BTD: variants seen among roughly 807,000 people sequenced by gnomAD.
The protein encoded by BTD is biotinidase, also known as biocytinase.
BTD carries 13 observed loss-of-function variants against 17.7 expected under a neutral mutation model. The ratio of observed to expected loss-of-function variants is 0.74; its 90% CI spans 0.48 to 1.17. The LOEUF (loss-of-function observed/expected upper bound fraction) is 1.17. Ranked by LOEUF, BTD falls within the 50% of genes most tolerant of loss-of-function variation. The pLI is 0.00. For missense variants in BTD, 674 were observed against 650.4 expected (o/e 1.04, Z -0.39); for synonymous variants, 240 against 245.2 (o/e 0.98, Z 0.20).
chr3:15,694,592 T>A, intron 3 of BTD: 1 of 503,662 alleles, frequency 2.0e-6, no homozygotes, highest in Non-Finnish European at 3.3e-6. Flanking sequence ...ATTCTCTGAA[T>A]TAAAGAAAGT....
downstream of BTD, chr3:15,714,532 G>GAAAAAAA (rs5846873): frequency 2.0e-5 from 22 of 1,085,066 alleles, no homozygotes; most frequent in Middle Eastern, 2.9e-4. Context: ...CTACATTTAA[G>GAAAAAAA]AAAAAAAAAA....
At chr3:15,706,980 A>G (rs2071524315) in intron 3 of BTD, among the ~76,000 whole-genome samples, 1 of 152,242 alleles carries the variant, frequency 6.6e-6, no homozygotes, top group Non-Finnish European at 1.5e-5. Context: ...CAACATAAAA[A>G]AAGTTACTTA....
intron 3 of BTD, among the ~76,000 whole-genome samples, chr3:15,698,106 C>T (rs1022016793): frequency 1.3e-5 from 2 of 152,094 alleles, no homozygotes; most frequent in African/African-American, 2.4e-5. Flanking sequence ...TTTGAATCTT[C>T]TCTTTTCTTC....
intron 3 of BTD, among the ~76,000 whole-genome samples, chr3:15,670,911 A>T (rs2066270275): frequency 6.6e-6 from 1 of 152,204 alleles, no homozygotes; most frequent in Non-Finnish European, 1.5e-5. Flanking sequence ...TGGTAGGCAG[A>T]GATTTACTGT....
chr3:15,611,161 A>G (rs940213477), intron 1 of BTD, among the ~76,000 whole-genome samples: 2 of 152,208 alleles, frequency 1.3e-5, no homozygotes, highest in African/African-American at 4.8e-5. Context: ...CCTTGTAGCT[A>G]GGAGTGGTCA....
chr3:15,622,873 T>A (rs1439351887), intron 1 of BTD, among the ~76,000 whole-genome samples: 2 of 152,260 alleles, frequency 1.3e-5, no homozygotes, highest in African/African-American at 4.8e-5. Context: ...CTATTCTTGC[T>A]TTCTCTTAAT....
downstream of BTD, among the ~76,000 whole-genome samples, chr3:15,716,190 C>T (rs911084651): frequency 6.6e-5 from 10 of 151,640 alleles, no homozygotes; most frequent in African/African-American, 1.9e-4. Context: ...CCATGTTGGC[C>T]AGGCTTGTCT....
chr3:15,672,087 T>G (rs1225124640), intron 3 of BTD, among the ~76,000 whole-genome samples: 1 of 152,184 alleles, frequency 6.6e-6, no homozygotes, highest in African/African-American at 2.4e-5. Context: ...GGGCATCTGG[T>G]TGCTTCCAGT....
At chr3:15,642,211 C>G (rs1190652658) in intron 3 of BTD, 154 bp downstream of exon 3, 1 of 1,495,866 alleles carries the variant, frequency 6.7e-7, no homozygotes, top group Non-Finnish European at 8.9e-7. Context: ...GCCACATGTT[C>G]ATTCCATTAA....
intron 3 of BTD, 49 bp downstream of exon 3, chr3:15,642,106 C>G (rs1372580231): frequency 4.3e-6 from 7 of 1,610,162 alleles, no homozygotes; most frequent in Non-Finnish European, 5.9e-6. Flanking sequence ...CAGAGGTGAT[C>G]TAAGTCAGGG....
intron 2 of BTD, among the ~76,000 whole-genome samples, chr3:15,640,816 C>T (rs182841009): frequency 4.6e-5 from 7 of 150,808 alleles, no homozygotes; most frequent in Admixed American, 4.6e-4. Context: ...AAAATATTAA[C>T]AATAAGTATC....
At chr3:15,657,915 C>T (rs189396697), downstream of BTD, among the ~76,000 whole-genome samples, 1 of 152,004 alleles carries the variant, frequency 6.6e-6, no homozygotes, top group East Asian at 1.9e-4. Flanking sequence ...CCCCTGTAAT[C>T]CCAGCACTTT....
chr3:15,646,045 A>C lies in BTD; in HGVS notation c.*557A>C, dbSNP rs751744286. On this transcript the variant is annotated 3_prime_UTR_variant, in exon 4 of 4. Transcript: ENST00000643237. Reference sequence around the variant, plus strand: ...GCTAGCGCCACCAGCAACGTCAGAAACGTAGACCTTAAAGCGGCTTTTAAA... The same window carrying C: ...GCTAGCGCCACCAGCAACGTCAGAACCGTAGACCTTAAAGCGGCTTTTAAA... The C allele has an allele frequency of 6.5e-6, 1 of 152,738 alleles. No individual in the cohort carries two copies. The highest frequency in any genetic ancestry group is 2.4e-5 in the African/African-American group (1 of 41,468). 9.5% of individuals were successfully genotyped at this position (152,738 alleles called of 1,614,324 possible). A position where few individuals can be genotyped will look rare whatever the true frequency, so the allele number is the denominator to read the frequency against.
chr3:15,613,902 A>G (rs1350344518), intron 1 of BTD, among the ~76,000 whole-genome samples: 1 of 151,976 alleles, frequency 6.6e-6, no homozygotes, highest in Non-Finnish European at 1.5e-5. Context: ...AAATCACCAT[A>G]TCTTTGAAGG....
rs1258213489 is a variant in BTD, at chr3:15,652,556, G to C, written c.*7068G>C. On this transcript the variant is annotated 3_prime_UTR_variant, in exon 4 of 4. Coordinates refer to ENST00000643237, the MANE Select transcript of BTD (RefSeq NM_001370658.1). Reference sequence around the variant, plus strand: ...CTGGGAAACGACTGCAACCTCATGAGAGACCCTGAGCCGGAACCACCCCAC... The same window carrying C: ...CTGGGAAACGACTGCAACCTCATGACAGACCCTGAGCCGGAACCACCCCAC... Among the ~76,000 whole-genome samples the C allele has an allele frequency of 1.3e-5, 2 of 152,188 alleles. No individual in the cohort carries two copies. Among genetic ancestry groups the C allele is most frequent in the Non-Finnish European group, 2.9e-5 (2 of 68,048 alleles).
At chr3:15,630,285 A>G (rs1260758556) in intron 1 of BTD, among the ~76,000 whole-genome samples, 2 of 152,218 alleles carry the variant, frequency 1.3e-5, no homozygotes, top group African/African-American at 4.8e-5. Context: ...TGCGATACCT[A>G]AGGTCACATG....
intron 3 of BTD, among the ~76,000 whole-genome samples, chr3:15,702,698 G>T (rs2070786000): frequency 6.6e-6 from 1 of 152,022 alleles, no homozygotes; most frequent in African/African-American, 2.4e-5. Context: ...TGTGTCCCAT[G>T]GCTAGTCAGA....
At position 15,706,410 on chromosome 3, in the gene BTD, G is replaced by A. The variant is rs191132616; in HGVS notation, c.400-3650G>A. Among the ~76,000 whole-genome samples the A allele has an allele frequency of 6.7e-3, 757 of 113,062 alleles. 5 individuals carry two copies. Among genetic ancestry groups the A allele is most frequent in the Middle Eastern group, 0.025 (5 of 198 alleles). 74.2% of individuals were successfully genotyped at this position (113,062 alleles called of 152,430 possible). On this transcript the variant is annotated intron_variant, in intron 3 of 3. Coordinates refer to the BTD transcript ENST00000672141. ...CAGCTTCATCCATGTTCCTACAAAG[G>A]ACATAAACTCCTCCTTTTTTATGGC...
intron 1 of BTD, among the ~76,000 whole-genome samples, chr3:15,603,185 C>G (rs984582255): frequency 7.2e-5 from 11 of 152,210 alleles, no homozygotes; most frequent in African/African-American, 2.7e-4. Context: ...AGGACACAGC[C>G]AAACTGTTCT....
Sources: allele counts gnomAD v4.1 joint callset (sites outside exome capture counted in the v4.1 genomes callset), GRCh38; gene constraint gnomAD v4.1.1; transcripts MANE v1.5; gene names NCBI Gene and HGNC (gene_info 2026-07-23, HGNC 2026-07-21).